Variants in FMN1 observed in about 807,000 individuals in gnomAD.
FMN1 encodes formin 1.
A neutral mutation model predicts 132.4 loss-of-function variants in FMN1; 110 were observed. The ratio of observed to expected loss-of-function variants is 0.83; its 90% confidence interval spans 0.71 to 0.97. The LOEUF (loss-of-function observed/expected upper bound fraction) is 0.97. Among genes scored for constraint, FMN1 ranks in the 50% least tolerant of loss-of-function variants. The pLI is 0.00. For synonymous variants in FMN1, 722 were observed against 651.7 expected (o/e 1.11, Z -1.64); for missense variants, 1,792 against 1,705.3 (o/e 1.05, Z -0.90).
intron 4 of FMN1, among the ~76,000 whole-genome samples, chr15:33,126,103 T>TA (rs1963039465): frequency 6.6e-6 from 1 of 152,142 alleles, no homozygotes; most frequent in Admixed American, 6.5e-5. Flanking sequence ...GTGTAAATGT[T>TA]ACGCTTTTGC....
At chr15:32,908,275 AG>A in intron 12 of FMN1, 2 of 391,458 alleles carry the variant, frequency 5.1e-6, no homozygotes, top group Admixed American at 4.6e-5. Context: ...GGGGTGGGGG[AG>A]GGGGGTGAGA....
At position 33,121,713 on chromosome 15, in the gene FMN1, G is replaced by A. The variant is rs201141696; in HGVS notation, c.1867+31335C>T. Among the ~76,000 whole-genome samples, 5 of 152,168 alleles carry A rather than the reference G, an allele frequency of 3.3e-5. No homozygotes were observed. The East Asian group carries it at 9.7e-4, about 29-fold the overall frequency. The stretch of plus-strand genomic sequence containing the variant: ...CCAGCTTCTTTTTGTATGTTTAGTA[G>A]AGACAAGATTTCACCATGTTGGCCA... On this transcript the variant is annotated intron_variant, in intron 4 of 20. Coordinates refer to ENST00000616417, the MANE Select transcript of FMN1 (RefSeq NM_001277313.2).
chr15:33,058,399 T>C (rs943061129), intron 6 of FMN1, among the ~76,000 whole-genome samples: 1 of 152,158 alleles, frequency 6.6e-6, no homozygotes, highest in African/African-American at 2.4e-5. Flanking sequence ...ACCACTGAAA[T>C]AACAACTGTT....
intron 17 of FMN1, among the ~76,000 whole-genome samples, chr15:32,852,454 A>G (rs76615743): frequency 0.022 from 3,302 of 152,126 alleles, 104 homozygotes; most frequent in African/African-American, 0.07. Flanking sequence ...ATGATAGTTC[A>G]CTGTAGCCTT....
At chr15:33,099,447 A>G (rs752237544) in intron 4 of FMN1, among the ~76,000 whole-genome samples, 4 of 152,230 alleles carry the variant, frequency 2.6e-5, no homozygotes, top group Non-Finnish European at 5.9e-5. Context: ...CATGATGCTC[A>G]CCATGCTCAA....
chr15:32,972,334 T>C (rs1021109641), intron 7 of FMN1, among the ~76,000 whole-genome samples: 1 of 152,186 alleles, frequency 6.6e-6, no homozygotes, highest in East Asian at 1.9e-4. Context: ...CCTTTAGCTA[T>C]GGCACTTTCC....
At chr15:33,144,448 A>G (rs1964130416) in intron 4 of FMN1, among the ~76,000 whole-genome samples, 1 of 152,080 alleles carries the variant, frequency 6.6e-6, no homozygotes. Flanking sequence ...CATCCTGGCT[A>G]ACACGGTGAA....
intron 6 of FMN1, among the ~76,000 whole-genome samples, chr15:33,020,561 T>C (rs1457591473): frequency 1.3e-5 from 2 of 150,700 alleles, no homozygotes; most frequent in African/African-American, 4.9e-5. Context: ...GCAGGAGAAC[T>C]GCTTGAACCC....
intron 6 of FMN1, among the ~76,000 whole-genome samples, chr15:33,032,822 T>C (rs1466028521): frequency 6.6e-6 from 1 of 151,952 alleles, no homozygotes; most frequent in Non-Finnish European, 1.5e-5. Flanking sequence ...CTAGCTACCA[T>C]TTACAAGCAG....
chr15:32,969,528 C>T (rs952522577), intron 7 of FMN1, 51 bp from the exon 8 acceptor site: 1 of 1,572,682 alleles, frequency 6.4e-7, no homozygotes, highest in Non-Finnish European at 8.6e-7. Context: ...TAAGAACAAA[C>T]TTAAGAATTT....
At position 32,969,396 on chromosome 15, in the gene FMN1, G is replaced by A. The variant is rs778853494; in HGVS notation, c.2305C>T (p.Leu769=). ...TARLEETIEN[L]KHELEHRWRG... ...CATCTGTGTTCTAGCTCGTGTTTCA[G>A]ATTTTCAATGGTTTCTTCTAGTCTC... is the stretch of plus-strand genomic sequence containing the variant. The change falls in exon 8 of 21, where the codon CTG becomes TTG. Residue 769 remains leucine (L), a synonymous_variant. Coordinates refer to ENST00000616417, the MANE Select transcript of FMN1 (RefSeq NM_001277313.2). 4 of 1,613,926 alleles carry A rather than the reference G, an allele frequency of 2.5e-6. No homozygotes were observed. The highest frequency in any genetic ancestry group is 3.3e-5 in the Admixed American group (2 of 60,004).
chr15:33,098,114 A>G (rs902201324), intron 4 of FMN1, among the ~76,000 whole-genome samples: 1 of 152,218 alleles, frequency 6.6e-6, no homozygotes, highest in Non-Finnish European at 1.5e-5. Context: ...GAAAATCCCA[A>G]AAACTTGGAA....
chr15:33,060,576 A>T (rs1354768820), intron 6 of FMN1, among the ~76,000 whole-genome samples: 1 of 152,150 alleles, frequency 6.6e-6, no homozygotes, highest in African/African-American at 2.4e-5. Flanking sequence ...GAGAGGCCAC[A>T]TGTCTTGACA....
chr15:33,081,158 T>C (rs1282532818), intron 5 of FMN1, among the ~76,000 whole-genome samples: 1 of 152,158 alleles, frequency 6.6e-6, no homozygotes, highest in Admixed American at 6.5e-5. Flanking sequence ...GTGGTTCCAT[T>C]AAGACAAGAG....
At position 33,119,606 on chromosome 15, in the gene FMN1, CTTTTA is replaced by C. The variant is rs545166284; in HGVS notation, c.1868-30637_1868-30633del. Among the ~76,000 whole-genome samples the C allele has an allele frequency of 1.7e-3, 255 of 152,260 alleles. 1 individual carries two copies. Among genetic ancestry groups the C allele is most frequent in the African/African-American group, 5.9e-3 (244 of 41,556 alleles). ...ACCAGCACTATTCTTGAAGAGCTTG[CTTTTA>C]TTTTCTTTCTCTTTCAAGGGATAGA... On this transcript the variant is annotated intron_variant, in intron 4 of 20. Transcript: ENST00000616417.
chr15:32,845,560 A>G (rs1421663537), intron 17 of FMN1, among the ~76,000 whole-genome samples: 2 of 152,220 alleles, frequency 1.3e-5, no homozygotes, highest in African/African-American at 4.8e-5. Flanking sequence ...AGGATGGCAC[A>G]GTAACAACGC....
At chr15:33,010,334 A>G (rs2034646262) in intron 6 of FMN1, among the ~76,000 whole-genome samples, 1 of 152,144 alleles carries the variant, frequency 6.6e-6, no homozygotes, top group Admixed American at 6.5e-5. Flanking sequence ...GGTTGACTGC[A>G]AAGTGGCAGC....
At chr15:32,813,081 T>A (rs1367499298) in intron 17 of FMN1, among the ~76,000 whole-genome samples, 1 of 152,196 alleles carries the variant, frequency 6.6e-6, no homozygotes, top group East Asian at 1.9e-4. Flanking sequence ...AACAACTAGT[T>A]ATATAGCATT....
chr15:33,112,856 G>T (rs139863257), intron 4 of FMN1, among the ~76,000 whole-genome samples: 1 of 152,124 alleles, frequency 6.6e-6, no homozygotes, highest in Non-Finnish European at 1.5e-5. Flanking sequence ...AAATGTCAAG[G>T]CCTACACAGC....
Sources: gnomAD v4.1 joint callset for allele counts (sites outside exome capture counted in the v4.1 genomes callset) on GRCh38, gnomAD v4.1.1 for gene constraint, MANE v1.5 for transcripts, NCBI Gene and HGNC (gene_info 2026-07-23, HGNC 2026-07-21) for gene names.